KDM4B: variants seen among roughly 807,000 people sequenced by gnomAD.
The protein encoded by KDM4B is lysine-specific demethylase 4B.
KDM4B carries 32 observed loss-of-function variants against 125.2 expected under a neutral mutation model. The ratio of observed to expected loss-of-function variants is 0.26; its 90% CI spans 0.19 to 0.34. The LOEUF (loss-of-function observed/expected upper bound fraction) is 0.34. KDM4B is among the 10% of genes least tolerant of loss of function. The pLI is 1.00. For synonymous variants in KDM4B, 721 were observed against 677.9 expected (o/e 1.06, Z -0.99); for missense variants, 1,190 against 1,577.7 (o/e 0.75, Z 4.16).
chr19:5,085,828 C>A (rs1484574939), intron 9 of KDM4B, among the ~76,000 whole-genome samples: 1 of 152,230 alleles, frequency 6.6e-6, no homozygotes, highest in Admixed American at 6.5e-5. Flanking sequence ...GGCAGCCGGC[C>A]CCTGACTCTG....
At chr19:5,058,321 C>T (rs1208717170) in intron 6 of KDM4B, among the ~76,000 whole-genome samples, 1 of 152,214 alleles carries the variant, frequency 6.6e-6, no homozygotes, top group African/African-American at 2.4e-5. Context: ...TGTGGCCGGG[C>T]AGCCAGACAC....
chr19:5,000,125 G>T (rs1387694367), intron 1 of KDM4B, among the ~76,000 whole-genome samples: 9 of 48,192 alleles, frequency 1.9e-4, no homozygotes, highest in South Asian at 8.0e-4. Flanking sequence ...CATCCATCCA[G>T]CCACCCACCT....
At chr19:5,120,830 C>G (rs1197580310) in intron 11 of KDM4B, among the ~76,000 whole-genome samples, 3 of 152,286 alleles carry the variant, frequency 2.0e-5, no homozygotes, top group East Asian at 1.9e-4. Flanking sequence ...TGCTGGCCAG[C>G]CTGCCTCCCA....
intron 13 of KDM4B, among the ~76,000 whole-genome samples, chr19:5,132,296 C>T (rs2039572212): frequency 4.6e-5 from 7 of 152,156 alleles, no homozygotes. Flanking sequence ...GAAGATTCCT[C>T]CCAGGGCTGA....
chr19:5,018,463 G>A (rs2035960953), intron 2 of KDM4B, among the ~76,000 whole-genome samples: 1 of 152,246 alleles, frequency 6.6e-6, no homozygotes. Context: ...GCTTCCGAAG[G>A]CCTGGAGCTG....
In KDM4B at chr19:5,077,408, C is replaced by T; in HGVS notation, c.718C>T (p.Arg240Trp). The change falls in exon 8 of 23, where the codon CGG becomes TGG. Residue 240 changes from arginine to tryptophan, a missense_variant. Physicochemically the swap from Arg to Trp is moderately radical, Grantham distance 101. Transcript: ENST00000159111. The part of the protein sequence containing the change: ...GSSQGCDAFL[R>W]HKMTLISPII... ...CTCGCAGGGCTGCGACGCCTTCCTGCGGCATAAGATGACCCTCATCTCGCC... is the reference window on the plus strand; with the variant it reads ...CTCGCAGGGCTGCGACGCCTTCCTGTGGCATAAGATGACCCTCATCTCGCC... The T allele has an allele frequency of 1.2e-6, 2 of 1,613,288 alleles. No individual in the cohort carries two copies. The highest frequency in any genetic ancestry group is 1.7e-6 in the Non-Finnish European group (2 of 1,179,994).
At chr19:5,101,112 C>A (rs537656897) in intron 9 of KDM4B, among the ~76,000 whole-genome samples, 1 of 150,958 alleles carries the variant, frequency 6.6e-6, no homozygotes, top group Non-Finnish European at 1.5e-5. Context: ...ATCCCAGCTA[C>A]TGGGGAGGCT....
Position 5,057,053 on chromosome 19 carries a change from T to G in KDM4B, c.626+9384T>G, listed in dbSNP as rs1007891011. On this transcript the variant is annotated intron_variant, in intron 6 of 22. Coordinates refer to ENST00000159111, the MANE Select transcript of KDM4B (RefSeq NM_015015.3). ...GCGTGTGTGTGTGTGTGTGTGTGTG[T>G]GTGTGTGTGTGTGCGCGCGCGCGCG... Among the ~76,000 whole-genome samples, 6 of 143,546 alleles carry G rather than the reference T, an allele frequency of 4.2e-5. 1 individual carries two copies. The highest frequency in any genetic ancestry group is 2.1e-4 in the Admixed American group (3 of 14,594). 94.2% of individuals were successfully genotyped at this position (143,546 alleles called of 152,430 possible).
At chr19:5,125,593 G>A (rs867379999) in intron 11 of KDM4B, among the ~76,000 whole-genome samples, 2 of 152,188 alleles carry the variant, frequency 1.3e-5, no homozygotes, top group Non-Finnish European at 2.9e-5. Context: ...CCACACGCCC[G>A]GTGCAGTGGT....
At chr19:5,128,882 G>T (rs2039495869) in intron 11 of KDM4B, among the ~76,000 whole-genome samples, 1 of 147,752 alleles carries the variant, frequency 6.8e-6, no homozygotes. Flanking sequence ...TCATATAACA[G>T]CGGGGGGCCC....
chr19:5,092,770 AGGGCCTGGCC>A, intron 9 of KDM4B, among the ~76,000 whole-genome samples: 1 of 152,258 alleles, frequency 6.6e-6, no homozygotes, highest in East Asian at 1.9e-4. Flanking sequence ...GGGGGCTCGC[AGGGCCTGGCC>A]CTGAGTCAGA....
At chr19:5,150,134 C>T (rs1343629972) in intron 21 of KDM4B, among the ~76,000 whole-genome samples, 1 of 152,264 alleles carries the variant, frequency 6.6e-6, no homozygotes, top group Non-Finnish European at 1.5e-5. Context: ...CAGGCTGTCC[C>T]GTCCTCCGTC....
At chr19:5,086,248 G>T (rs1391820821) in intron 9 of KDM4B, among the ~76,000 whole-genome samples, 1 of 151,126 alleles carries the variant, frequency 6.6e-6, no homozygotes, top group African/African-American at 2.4e-5. Flanking sequence ...GAGCTGACAG[G>T]TGAAAAGCCA....
chr19:5,022,332 T>C (rs1483380709), intron 2 of KDM4B, among the ~76,000 whole-genome samples: 1 of 152,070 alleles, frequency 6.6e-6, no homozygotes, highest in Non-Finnish European at 1.5e-5. Flanking sequence ...TCACACCACC[T>C]CTCTTGGGTA....
chr19:5,088,930 C>T (rs916918212), intron 9 of KDM4B, among the ~76,000 whole-genome samples: 1 of 152,166 alleles, frequency 6.6e-6, no homozygotes, highest in Admixed American at 6.5e-5. Context: ...CCTGAGGACA[C>T]CCCGCTCAGT....
At chr19:5,074,705 G>C (rs1490848737) in intron 7 of KDM4B, 1 of 152,320 alleles carries the variant, frequency 6.6e-6, no homozygotes, top group Non-Finnish European at 1.5e-5. Context: ...CGTGGTGTCT[G>C]CGTGGCTGGG....
rs2039627915 is a variant in KDM4B, at chr19:5,135,286, C to T, written c.2086-53C>T. 8 of 1,335,698 alleles carry T rather than the reference C, an allele frequency of 6.0e-6. No homozygotes were observed. In the Admixed American group the frequency reaches 1.1e-4, roughly 18 times the overall value. The allele number at this position is 1,335,698 out of a possible 1,614,324, so 82.7% of individuals were successfully genotyped here. A position where few individuals can be genotyped will look rare whatever the true frequency, so the allele number is the denominator to read the frequency against. ...CCCTGAGAGAGGTCCGCGCCGCCCGCCCGCCTGCCCCACACATGGCTCTGT... is the reference window on the plus strand; with the variant it reads ...CCCTGAGAGAGGTCCGCGCCGCCCGTCCGCCTGCCCCACACATGGCTCTGT... On this transcript the variant is annotated intron_variant, in intron 14 of 22. Coordinates refer to ENST00000159111, the MANE Select transcript of KDM4B (RefSeq NM_015015.3).
chr19:5,032,212 GC>G (rs1196853147), intron 2 of KDM4B, among the ~76,000 whole-genome samples: 1 of 152,228 alleles, frequency 6.6e-6, no homozygotes, highest in Non-Finnish European at 1.5e-5. Context: ...GAATCACTTG[GC>G]CTGGTGCAAT....
At chr19:5,002,478 T>C (rs1049489824) in intron 1 of KDM4B, among the ~76,000 whole-genome samples, 5 of 151,496 alleles carry the variant, frequency 3.3e-5, no homozygotes, top group Non-Finnish European at 7.4e-5. Flanking sequence ...TTCCTTTCCT[T>C]CTTTCTTTCC....
Sources: allele counts gnomAD v4.1 joint callset (sites outside exome capture counted in the v4.1 genomes callset), GRCh38; gene constraint gnomAD v4.1.1; transcripts MANE v1.5; gene names NCBI Gene and HGNC (gene_info 2026-07-23, HGNC 2026-07-21).